The following GSK3B variants were observed in gnomAD, a reference collection of about 807,000 sequenced individuals.
GSK3B encodes the protein glycogen synthase kinase 3 beta.
Under a neutral mutation model 56.4 loss-of-function variants are expected in GSK3B, and 15 were observed. The observed-to-expected ratio is 0.27, with a 90% confidence interval of 0.18 to 0.41. The LOEUF (loss-of-function observed/expected upper bound fraction) is 0.41, where lower values mean the gene tolerates loss of function less well. Among genes scored for constraint, GSK3B ranks in the 10% least tolerant of loss-of-function variants. GSK3B has a pLI of 1.00. For missense variants in GSK3B, 300 were observed against 513.4 expected (o/e 0.58, Z 4.02); for synonymous variants, 181 against 188.9 (o/e 0.96, Z 0.34).
chr3:119,909,153 G>A (rs1246709685), intron 6 of GSK3B, among the ~76,000 whole-genome samples: 2 of 152,052 alleles, frequency 1.3e-5, no homozygotes, highest in Admixed American at 1.3e-4. Context: ...CAAGTAGCGG[G>A]GACTACAGGG....
At chr3:119,974,150 C>T (rs939749735) in intron 2 of GSK3B, among the ~76,000 whole-genome samples, 1 of 152,152 alleles carries the variant, frequency 6.6e-6, no homozygotes, top group African/African-American at 2.4e-5. Context: ...CTGAGGAAGA[C>T]ATGAATGAAA....
intron 1 of GSK3B, among the ~76,000 whole-genome samples, chr3:120,021,937 T>C (rs2057881609): frequency 6.6e-6 from 1 of 152,240 alleles, no homozygotes; most frequent in Non-Finnish European, 1.5e-5. Context: ...TGCTGGCTAC[T>C]GTAGTCCCAG....
intron 1 of GSK3B, among the ~76,000 whole-genome samples, chr3:120,071,627 A>T (rs1458479321): frequency 6.6e-6 from 1 of 152,000 alleles, no homozygotes; most frequent in Non-Finnish European, 1.5e-5. Flanking sequence ...TCTCCCCAGC[A>T]CCCCCAGATG....
At chr3:119,991,433 G>A (rs145557748) in intron 2 of GSK3B, among the ~76,000 whole-genome samples, 2 of 147,750 alleles carry the variant, frequency 1.4e-5, no homozygotes, top group African/African-American at 5.0e-5. Flanking sequence ...CAGTTTATGT[G>A]ACTCCTGGCA....
intron 1 of GSK3B, among the ~76,000 whole-genome samples, chr3:120,087,375 A>G (rs2058472948): frequency 6.6e-6 from 1 of 152,152 alleles, no homozygotes; most frequent in Non-Finnish European, 1.5e-5. Context: ...TACTAAAAAT[A>G]CAAAAAATTA....
intron 1 of GSK3B, among the ~76,000 whole-genome samples, chr3:120,052,598 T>C (rs969584160): frequency 6.6e-6 from 1 of 152,220 alleles, no homozygotes; most frequent in East Asian, 1.9e-4. Context: ...TAACAATCCA[T>C]GGACCTACCT....
intron 1 of GSK3B, among the ~76,000 whole-genome samples, chr3:120,082,919 C>T (rs940306650): frequency 1.3e-5 from 2 of 152,030 alleles, no homozygotes; most frequent in African/African-American, 4.8e-5. Flanking sequence ...ATATAATTCA[C>T]CTTTTTGGCT....
At position 120,092,813 on chromosome 3, in the gene GSK3B, T is replaced by C. The variant is rs550911341; in HGVS notation, c.88+534A>G. 9.2e-5 allele frequency among the ~76,000 whole-genome samples: 14 copies of C among 152,124 alleles called. No individual in the cohort carries two copies. The East Asian group carries it at 2.7e-3, about 29-fold the overall frequency. On this transcript the variant is annotated intron_variant, in intron 1 of 10. Transcript: ENST00000264235. Reference sequence around the variant, plus strand: ...GTTACTGAGGAAGTTCATCCACAGATTAAGAACAAATATTATGTGTAGTCA... The same window carrying C: ...GTTACTGAGGAAGTTCATCCACAGACTAAGAACAAATATTATGTGTAGTCA...
At chr3:120,082,379 T>C (rs2058426989) in intron 1 of GSK3B, among the ~76,000 whole-genome samples, 1 of 143,758 alleles carries the variant, frequency 7.0e-6, no homozygotes, top group Non-Finnish European at 1.5e-5. Context: ...CCCAAATTAG[T>C]ATGTTCTTTT....
chr3:119,888,535 CT>C (rs1473512647), intron 7 of GSK3B, among the ~76,000 whole-genome samples: 9 of 152,092 alleles, frequency 5.9e-5, no homozygotes, highest in African/African-American at 1.9e-4. Context: ...TGTACGTCAC[CT>C]CAGGCCCACT....
At chr3:120,079,334 ACACACACACACACACATTT>A (rs1221872949) in intron 1 of GSK3B, among the ~76,000 whole-genome samples, 25 of 146,622 alleles carry the variant, frequency 1.7e-4, no homozygotes, top group Admixed American at 3.4e-4. Context: ...ACACACACAC[ACACACACACACACACATTT>A]TTTTTTTTAA....
intron 1 of GSK3B, among the ~76,000 whole-genome samples, chr3:120,063,651 C>T (rs1215477622): frequency 6.6e-6 from 1 of 151,414 alleles, no homozygotes; most frequent in Admixed American, 6.6e-5. Context: ...TCGCTTGAAC[C>T]CAGGAGGCAG....
chr3:119,869,704 T>C (rs891487722), intron 8 of GSK3B, among the ~76,000 whole-genome samples: 25 of 152,228 alleles, frequency 1.6e-4, no homozygotes, highest in Admixed American at 9.2e-4. Flanking sequence ...TAGTGAAACG[T>C]ATAATAAAAC....
At chr3:119,920,999 A>ACTTTT (rs1181348312) in intron 4 of GSK3B, among the ~76,000 whole-genome samples, 2 of 152,198 alleles carry the variant, frequency 1.3e-5, no homozygotes, top group Non-Finnish European at 2.9e-5. Context: ...CCACTAAAAG[A>ACTTTT]ACAAGGTCTT....
intron 1 of GSK3B, among the ~76,000 whole-genome samples, chr3:120,065,709 A>T (rs2058272357): frequency 6.6e-6 from 1 of 152,222 alleles, no homozygotes; most frequent in South Asian, 2.1e-4. Flanking sequence ...AAAAAATGAA[A>T]ATGTCCATCA....
intron 7 of GSK3B, among the ~76,000 whole-genome samples, chr3:119,885,402 T>A (rs1418428553): frequency 6.6e-6 from 1 of 152,156 alleles, no homozygotes; most frequent in Non-Finnish European, 1.5e-5. Context: ...TCCATGCTCA[T>A]GGATTGGAAG....
chr3:119,939,318 C>G (rs1188197233), intron 3 of GSK3B, among the ~76,000 whole-genome samples: 1 of 151,984 alleles, frequency 6.6e-6, no homozygotes, highest in Non-Finnish European at 1.5e-5. Context: ...AGTAAGGTCA[C>G]GATATAGATG....
chr3:119,843,480 C>A (rs929891407), intron 9 of GSK3B, 127 bp from the exon 10 acceptor site: 2 of 410,370 alleles, frequency 4.9e-6, no homozygotes, highest in Non-Finnish European at 9.2e-6. Flanking sequence ...CAGTGGCTCA[C>A]GCCTGTAATC....
chr3:120,002,011 C>T (rs929121260), intron 2 of GSK3B, 35 bp downstream of exon 2: 14 of 1,376,200 alleles, frequency 1.0e-5, no homozygotes, highest in Non-Finnish European at 1.4e-5. Flanking sequence ...TGTATTACGA[C>T]AGCAACAAAA....
Sources: allele counts gnomAD v4.1 joint callset (sites outside exome capture counted in the v4.1 genomes callset), GRCh38; gene constraint gnomAD v4.1.1; transcripts MANE v1.5; gene names NCBI Gene and HGNC (gene_info 2026-07-23, HGNC 2026-07-21).